Variants in CHMP7 observed in about 807,000 individuals in gnomAD.
The protein encoded by CHMP7 is CHMP family, member 7.
A neutral mutation model predicts 53.7 loss-of-function variants in CHMP7; 15 were observed. The observed-to-expected ratio is 0.28, with a 90% confidence interval of 0.19 to 0.43. The LOEUF (loss-of-function observed/expected upper bound fraction) is 0.43, where lower values mean the gene tolerates loss of function less well. Ranked by LOEUF, CHMP7 falls within the 20% of genes least tolerant of loss-of-function variation. The pLI, the probability that CHMP7 is intolerant of heterozygous loss-of-function variation, is 1.00. For missense variants in CHMP7, 527 were observed against 569.4 expected (o/e 0.93, Z 0.76); for synonymous variants, 261 against 228.0 (o/e 1.14, Z -1.30).
chr8:23,260,063 G>A (rs1474723738), intron 9 of CHMP7, 81 bp from the exon 10 acceptor site: 6 of 1,207,000 alleles, frequency 5.0e-6, no homozygotes, highest in Non-Finnish European at 5.9e-6. Context: ...AGCTAAGCGG[G>A]TTTTGGTAAC....
chr8:23,251,663 T>C (rs1277723408), intron 3 of CHMP7, among the ~76,000 whole-genome samples: 2 of 152,224 alleles, frequency 1.3e-5, no homozygotes, highest in African/African-American at 2.4e-5. Flanking sequence ...CACCCTGCTT[T>C]GTTTTCTTTC....
intron 2 of CHMP7, 78 bp from the exon 3 acceptor site, chr8:23,249,132 G>C (rs1308559164): frequency 1.6e-6 from 2 of 1,258,024 alleles, no homozygotes; most frequent in South Asian, 3.2e-5. Context: ...TCCTCTTTTA[G>C]GGTAAAGGGG....
chr8:23,250,333 G>A (rs1295861765), intron 3 of CHMP7, among the ~76,000 whole-genome samples: 2 of 151,878 alleles, frequency 1.3e-5, no homozygotes, highest in African/African-American at 2.4e-5. Flanking sequence ...TCTGCCTCTC[G>A]TCTGCTCTGC....
intron 3 of CHMP7, among the ~76,000 whole-genome samples, chr8:23,252,668 T>A (rs1337707597): frequency 6.6e-6 from 1 of 152,248 alleles, no homozygotes; most frequent in East Asian, 1.9e-4. Flanking sequence ...CAGACTTTTC[T>A]GTATGGCTAT....
chr8:23,252,008 A>T (rs1489626169), intron 3 of CHMP7, among the ~76,000 whole-genome samples: 1 of 152,032 alleles, frequency 6.6e-6, no homozygotes, highest in African/African-American at 2.4e-5. Flanking sequence ...TAGGGAGTCC[A>T]GTCTCCCCAC....
At chr8:23,255,002 G>A (rs1421168272) in intron 3 of CHMP7, 9 of 548,326 alleles carry the variant, frequency 1.6e-5, no homozygotes, top group East Asian at 6.3e-5. Flanking sequence ...CCCGATGGGC[G>A]TGCAGCGCAG....
At chr8:23,255,020 T>TCCC (rs1485751084) in intron 3 of CHMP7, 1 of 580,774 alleles carries the variant, frequency 1.7e-6, no homozygotes, top group East Asian at 2.9e-5. Context: ...CAGAGCTGGC[T>TCCC]CCCAGCATCT....
intron 3 of CHMP7, among the ~76,000 whole-genome samples, chr8:23,252,814 C>G (rs1394295637): frequency 6.6e-6 from 1 of 152,080 alleles, no homozygotes; most frequent in African/African-American, 2.4e-5. Flanking sequence ...TATTTTCTTC[C>G]AAATGGATAG....
Position 23,246,595 on chromosome 8 carries a change from C to T in CHMP7, c.-101C>T, listed in dbSNP as rs545719362. ...GCTCAGGGCGGCGGTGACGTGTGAA[C>T]GAGAAGGAGGTGGTCAAGGAACGGA... On this transcript the variant is annotated 5_prime_UTR_variant, in exon 2 of 11. The change creates a new upstream start codon in the 5' untranslated region. Coordinates refer to ENST00000397677, the MANE Select transcript of CHMP7 (RefSeq NM_152272.5). 8.6e-5 allele frequency: 85 copies of T among 991,122 alleles called. No homozygotes were observed. The African/African-American group carries it at 1.3e-3, about 15-fold the overall frequency. 61.4% of individuals were successfully genotyped at this position (991,122 alleles called of 1,614,324 possible). A position where few individuals can be genotyped will look rare whatever the true frequency, so the allele number is the denominator to read the frequency against.
At position 23,256,449 on chromosome 8, in the gene CHMP7, C is replaced by T. The variant is rs369813069; in HGVS notation, c.658-11C>T. On this transcript the variant is annotated splice_polypyrimidine_tract_variant and intron_variant, in intron 4 of 10. Coordinates refer to ENST00000397677, the MANE Select transcript of CHMP7 (RefSeq NM_152272.5). ...TGGTAGCAGCAGTAGTAATTTCTCCCTGTCCCTCAGATTGTGAAGTTTGCC... is the reference window on the plus strand; with the variant it reads ...TGGTAGCAGCAGTAGTAATTTCTCCTTGTCCCTCAGATTGTGAAGTTTGCC... 1.3e-6 allele frequency: 2 copies of T among 1,593,458 alleles called. No individual in the cohort carries two copies. Among genetic ancestry groups the T allele is most frequent in the Non-Finnish European group, 1.7e-6 (2 of 1,161,336 alleles).
At chr8:23,258,194 G>A in intron 6 of CHMP7, 113 bp downstream of exon 6, 1 of 1,443,402 alleles carries the variant, frequency 6.9e-7, no homozygotes, top group Non-Finnish European at 9.7e-7. Context: ...AGTCTGCAGG[G>A]GGCCCAGGCA....
intron 1 of CHMP7, among the ~76,000 whole-genome samples, chr8:23,245,006 C>G (rs1391273091): frequency 1.3e-5 from 2 of 152,188 alleles, no homozygotes; most frequent in Non-Finnish European, 2.9e-5. Flanking sequence ...CTCATTGCCT[C>G]TTAGTTCCAG....
At position 23,260,634 on chromosome 8, in the gene CHMP7, G is replaced by A. The variant is rs774475836; in HGVS notation, c.*35G>A. ...GTGAAGGACCCTCATGTAAAAGAGA[G>A]ACCAGGCTTGCTGGGTGTGTACATA... On this transcript the variant is annotated 3_prime_UTR_variant, in exon 11 of 11. Transcript: ENST00000397677. 2 of 1,524,262 alleles carry A rather than the reference G, an allele frequency of 1.3e-6. No individual in the cohort carries two copies. The highest frequency in any genetic ancestry group is 2.2e-5 in the South Asian group (2 of 89,376). 94.4% of individuals were successfully genotyped at this position (1,524,262 alleles called of 1,614,324 possible).
At chr8:23,252,195 C>CATTTTTTTTTTTTT (rs1801957549) in intron 3 of CHMP7, among the ~76,000 whole-genome samples, 1 of 105,298 alleles carries the variant, frequency 9.5e-6, no homozygotes, top group Non-Finnish European at 2.0e-5. Flanking sequence ...ATTGTGTTAT[C>CATTTTTTTTTTTTT]TTTTTTTTTT....
chr8:23,247,039 A>C (rs1245752395), intron 2 of CHMP7, 45 bp downstream of exon 2: 13 of 1,452,220 alleles, frequency 9.0e-6, no homozygotes, highest in Non-Finnish European at 1.1e-5. Context: ...GGGCGGGGGC[A>C]GCTCTCGGAG....
chr8:23,252,195 C>T (rs866042369), intron 3 of CHMP7, among the ~76,000 whole-genome samples: 80 of 105,258 alleles, frequency 7.6e-4, no homozygotes, highest in South Asian at 1.4e-3. Flanking sequence ...ATTGTGTTAT[C>T]TTTTTTTTTT....
At chr8:23,255,508 A>C in intron 4 of CHMP7, 76 bp downstream of exon 4, 3 of 1,460,126 alleles carry the variant, frequency 2.1e-6, no homozygotes, top group Non-Finnish European at 2.9e-6. Flanking sequence ...CCCTTATCTC[A>C]GATTTTGGTT....
rs1408512356 is a variant in CHMP7 at position 23,260,641 on chromosome 8, C to A, written c.*42C>A. The A allele has an allele frequency of 5.5e-6, 8 of 1,467,390 alleles. No homozygotes were observed. Among genetic ancestry groups the A allele is most frequent in the Non-Finnish European group, 7.6e-6 (8 of 1,046,004 alleles). 90.9% of individuals were successfully genotyped at this position (1,467,390 alleles called of 1,614,324 possible). ...ACCCTCATGTAAAAGAGAGACCAGG[C>A]TTGCTGGGTGTGTACATAGTTATTT... On this transcript the variant is annotated 3_prime_UTR_variant, in exon 11 of 11. Transcript: ENST00000397677.
At position 23,258,788 on chromosome 8, in the gene CHMP7, C is replaced by G. The variant is rs774509663; in HGVS notation, c.1017C>G (p.Val339=). The G allele has an allele frequency of 6.2e-7, 1 of 1,613,752 alleles. No homozygotes were observed. The highest frequency in any genetic ancestry group is 2.2e-5 in the East Asian group (1 of 44,870). ...CACTCAAACTCTCCATGAAGGATGT[C>G]ACAGTGGAGAAGGCAGAGAGCCTCG... ...VGALKLSMKD[V]TVEKAESLVD... is the part of the protein sequence containing the mutation. Residue 339 remains valine, a synonymous_variant, in exon 8 of 11, where the codon GTC becomes GTG. Transcript: ENST00000397677.
Sources: allele counts gnomAD v4.1 joint callset (sites outside exome capture counted in the v4.1 genomes callset), GRCh38; gene constraint gnomAD v4.1.1; transcripts MANE v1.5; gene names NCBI Gene and HGNC (gene_info 2026-07-23, HGNC 2026-07-21).